HDAC4: variants seen among roughly 807,000 people sequenced by gnomAD.
The protein encoded by HDAC4 is histone deacetylase 4.
Under a neutral mutation model 135.1 loss-of-function variants are expected in HDAC4, and 16 were observed. That is an observed-to-expected ratio of 0.12 (90% CI 0.08 to 0.18). The LOEUF (loss-of-function observed/expected upper bound fraction) is 0.18. Among genes scored for constraint, HDAC4 ranks in the 10% least tolerant of loss-of-function variants. The probability of loss-of-function intolerance (pLI) is 1.00; values close to 1 mark genes in which losing one functional copy is unlikely to be tolerated. For missense variants in HDAC4, 1,143 were observed against 1,511.8 expected (o/e 0.76, Z 4.05); for synonymous variants, 685 against 653.4 (o/e 1.05, Z -0.74).
intron 1 of HDAC4, among the ~76,000 whole-genome samples, chr2:239,369,525 T>C (rs1297666110): frequency 6.6e-6 from 1 of 152,224 alleles, no homozygotes; most frequent in Non-Finnish European, 1.5e-5. Context: ...TTGCAATTGT[T>C]TACAAAAAGC....
Position 239,273,256 on chromosome 2 carries a change from G to C in HDAC4, c.23-36592C>G, listed in dbSNP as rs138612893. Among the ~76,000 whole-genome samples, 197 of 152,244 alleles carry C rather than the reference G, an allele frequency of 1.3e-3. 2 individuals are homozygous for C. The highest frequency in any genetic ancestry group is 1.4e-3 in the Non-Finnish European group (92 of 68,022). ...ACTCCACAGGGCCTCGTGGATCAAG[G>C]AGGACAAGGTGAACATCAATGAGAG... On this transcript the variant is annotated intron_variant, in intron 2 of 26. Coordinates refer to ENST00000543185, the MANE Select transcript of HDAC4 (RefSeq NM_001378414.1).
At chr2:239,366,766 G>A (rs1478017257) in intron 1 of HDAC4, among the ~76,000 whole-genome samples, 1 of 152,088 alleles carries the variant, frequency 6.6e-6, no homozygotes, top group Admixed American at 6.5e-5. Flanking sequence ...AGGCCAGTGG[G>A]GTCCCAGGCA....
chr2:239,124,492 C>T (rs1056668836), intron 12 of HDAC4, among the ~76,000 whole-genome samples: 2 of 152,230 alleles, frequency 1.3e-5, no homozygotes, highest in Non-Finnish European at 1.5e-5. Context: ...AATGACATTC[C>T]GGCGTGTGGC....
intron 24 of HDAC4, among the ~76,000 whole-genome samples, chr2:239,065,015 C>T (rs954839241): frequency 2.0e-5 from 3 of 152,234 alleles, no homozygotes; most frequent in Non-Finnish European, 4.4e-5. Flanking sequence ...GCCTCCTGTG[C>T]GGCCTGACGT....
chr2:239,338,446 C>T (rs1197256032), intron 2 of HDAC4, among the ~76,000 whole-genome samples: 1 of 152,126 alleles, frequency 6.6e-6, no homozygotes, highest in East Asian at 1.9e-4. Flanking sequence ...CTGAGATTCT[C>T]ACACCGACCT....
chr2:239,054,611 G>C, intron 25 of HDAC4, 138 bp downstream of exon 25: 1 of 728,936 alleles, frequency 1.4e-6, no homozygotes, highest in Admixed American at 1.9e-5. Context: ...TGAAAGCAAG[G>C]CCTTCTGCTG....
At chr2:239,362,725 C>T (rs1693940895) in intron 1 of HDAC4, among the ~76,000 whole-genome samples, 1 of 152,192 alleles carries the variant, frequency 6.6e-6, no homozygotes, top group African/African-American at 2.4e-5. Context: ...TCCTGGGCAA[C>T]AGAGAGCCTT....
chr2:239,274,480 C>T (rs2050235373), intron 2 of HDAC4, among the ~76,000 whole-genome samples: 1 of 152,230 alleles, frequency 6.6e-6, no homozygotes, highest in African/African-American at 2.4e-5. Context: ...CAGGGCGCCG[C>T]TGGTCTCTAA....
chr2:239,095,243 T>C (rs1380650118), intron 16 of HDAC4, among the ~76,000 whole-genome samples, 187 bp from the exon 17 acceptor site: 1 of 152,090 alleles, frequency 6.6e-6, no homozygotes, highest in Non-Finnish European at 1.5e-5. Context: ...TAGAGGTGCC[T>C]TGACTCCTGT....
chr2:239,364,564 C>CG (rs149696482), intron 1 of HDAC4, among the ~76,000 whole-genome samples: 22,734 of 152,160 alleles, frequency 0.15, 2,036 homozygotes, highest in Non-Finnish European at 0.21. Flanking sequence ...GGAGCGGTGG[C>CG]GGGGGGAACA....
At chr2:239,304,546 T>C (rs2052462761) in intron 2 of HDAC4, among the ~76,000 whole-genome samples, 1 of 152,200 alleles carries the variant, frequency 6.6e-6, no homozygotes, top group African/African-American at 2.4e-5. Flanking sequence ...TGCTTATGCC[T>C]GCGTAAACTT....
In HDAC4 at chr2:239,245,270, C is replaced by T. The variant is rs2048401599; in HGVS notation, c.23-8606G>A. Reference sequence around the variant, plus strand: ...GGAAGTACGGGTTTGGCAGAACCTGCTAAAGGACACTGGATTGGCTATGAT... The same window carrying T: ...GGAAGTACGGGTTTGGCAGAACCTGTTAAAGGACACTGGATTGGCTATGAT... On this transcript the variant is annotated intron_variant, in intron 2 of 26. Transcript: ENST00000543185. This position sits in a 1 kb window ranked among gnomAD's most constrained non-coding sequence, Gnocchi z 4.4. Among the ~76,000 whole-genome samples, 1 of 152,176 alleles carries T rather than the reference C, an allele frequency of 6.6e-6. No homozygotes were observed. Among genetic ancestry groups the T allele is most frequent in the Non-Finnish European group, 1.5e-5 (1 of 68,036 alleles).
Position 239,078,534 on chromosome 2 carries a change from A to T in HDAC4, c.2750+2561T>A, listed in dbSNP as rs192527117. Among the ~76,000 whole-genome samples the T allele has an allele frequency of 4.9e-3, 721 of 148,144 alleles. 4 individuals are homozygous for T. The highest frequency in any genetic ancestry group is 0.017 in the African/African-American group (681 of 40,544). On this transcript the variant is annotated intron_variant, in intron 22 of 26. Coordinates refer to ENST00000543185, the MANE Select transcript of HDAC4 (RefSeq NM_001378414.1). ...AGTGCTATTTTACATTAAAATCAAT[A>T]AAAAAAAAACCCTGAAACAATTTTC... is the stretch of plus-strand genomic sequence containing the variant.
At chr2:239,135,964 C>T (rs1042078691) in intron 9 of HDAC4, among the ~76,000 whole-genome samples, 8 of 152,214 alleles carry the variant, frequency 5.3e-5, no homozygotes, top group Non-Finnish European at 1.5e-5. Context: ...GAAGAGTCAG[C>T]AGCAACAGTC....
chr2:239,243,672 T>C (rs1436420200), intron 2 of HDAC4, among the ~76,000 whole-genome samples: 1 of 152,202 alleles, frequency 6.6e-6, no homozygotes, highest in East Asian at 1.9e-4. Flanking sequence ...TCCTTTCATA[T>C]TTTTCAAACA....
intron 2 of HDAC4, among the ~76,000 whole-genome samples, chr2:239,312,938 G>A (rs555418962): frequency 5.9e-4 from 90 of 152,342 alleles, no homozygotes; most frequent in Non-Finnish European, 1.1e-3. Context: ...GGGGGCGGCC[G>A]GCCAGCAGGC....
At chr2:239,379,773 C>T (rs1695283401) in intron 1 of HDAC4, among the ~76,000 whole-genome samples, 1 of 152,256 alleles carries the variant, frequency 6.6e-6, no homozygotes, top group South Asian at 2.1e-4. Flanking sequence ...TCATCCTCTC[C>T]ACTGGGAAGG....
intron 2 of HDAC4, among the ~76,000 whole-genome samples, chr2:239,237,612 T>C (rs1250130426): frequency 6.7e-6 from 1 of 149,846 alleles, no homozygotes; most frequent in South Asian, 2.1e-4. Context: ...TTATCCAAAA[T>C]AGATAATTCC....
intron 7 of HDAC4, among the ~76,000 whole-genome samples, chr2:239,151,358 C>T (rs1021658319): frequency 2.0e-5 from 3 of 152,322 alleles, no homozygotes; most frequent in Admixed American, 1.3e-4. Flanking sequence ...GTGTCGTGGG[C>T]GCCAGCCTGG....
Sources: gnomAD v4.1 joint callset for allele counts (sites outside exome capture counted in the v4.1 genomes callset) on GRCh38, gnomAD v4.1.1 for gene constraint, Gnocchi (gnomAD v3.1) non-coding constraint, MANE v1.5 for transcripts, NCBI Gene and HGNC (gene_info 2026-07-23, HGNC 2026-07-21) for gene names.